KBTBD11: variants seen among roughly 807,000 people sequenced by gnomAD.
KBTBD11 encodes kelch repeat and BTB domain containing 11, also known as kelch repeat and BTB domain-containing protein 11.
For synonymous variants in KBTBD11, 747 were observed against 499.0 expected (o/e 1.50, Z -6.63); for missense variants, 1,390 against 1,001.8 (o/e 1.39, Z -5.23).
intron 1 of KBTBD11, among the ~76,000 whole-genome samples, chr8:1,982,870 C>T (rs560407915): frequency 3.9e-5 from 6 of 152,110 alleles, no homozygotes; most frequent in African/African-American, 1.2e-4. Flanking sequence ...GGATTATAGG[C>T]ACACACCACC....
chr8:1,999,706 G>C (rs1241078712), intron 1 of KBTBD11, among the ~76,000 whole-genome samples: 2 of 152,202 alleles, frequency 1.3e-5, no homozygotes, highest in African/African-American at 4.8e-5. Flanking sequence ...AGATTTAGGA[G>C]TTGGCGCCAT....
chr8:2,001,208 G>A lies in KBTBD11; in HGVS notation c.16G>A (p.Ala6Thr). 2.2e-6 allele frequency: 3 copies of A among 1,387,908 alleles called. No individual in the cohort carries two copies. The highest frequency in any genetic ancestry group is 3.1e-5 in the South Asian group (2 of 65,018). 86.0% of individuals were successfully genotyped at this position (1,387,908 alleles called of 1,614,324 possible). A position where few individuals can be genotyped will look rare whatever the true frequency, so the allele number is the denominator to read the frequency against. MEHAV[A>T]PCVLYPGTEP... is the part of the protein sequence containing the mutation. ...CAGCCCGGCCATGGAGCACGCGGTGGCCCCCTGCGTCCTCTACCCAGGGAC... is the reference window on the plus strand; with the variant it reads ...CAGCCCGGCCATGGAGCACGCGGTGACCCCCTGCGTCCTCTACCCAGGGAC... Residue 6 changes from alanine (A) to threonine (T), a missense_variant, in exon 2 of 2, where the codon GCC (alanine) becomes ACC (threonine). Physicochemically the swap from Ala to Thr is moderately conservative, Grantham distance 58. Coordinates refer to ENST00000320248, the MANE Select transcript of KBTBD11 (RefSeq NM_014867.3).
chr8:2,005,057 C>T lies in KBTBD11; in HGVS notation c.*1993C>T, dbSNP rs1043223. ...TTGAAAATGAAATATTGAAATTAGG[C>T]TTCCAGAGTAACACTGTCCCCGGAA... On this transcript the variant is annotated 3_prime_UTR_variant, in exon 2 of 2. Transcript: ENST00000320248. 92,809 of 167,034 alleles carry T rather than the reference C, an allele frequency of 0.56. 29,759 individuals are homozygous for T. The highest frequency in any genetic ancestry group is 0.94 in the East Asian group (4,876 of 5,180). 10.3% of individuals were successfully genotyped at this position (167,034 alleles called of 1,614,324 possible). A position where few individuals can be genotyped will look rare whatever the true frequency, so the allele number is the denominator to read the frequency against.
rs1289120744 is a variant in KBTBD11, at chr8:2,006,918, C to A, written c.*3854C>A. ...CAGTTCATGCCGAGATGAAATAAAT[C>A]ACGCAGAAAGTGCCAGTCCTCCTGA... On this transcript the variant is annotated 3_prime_UTR_variant, in exon 2 of 2. Coordinates refer to ENST00000320248, the MANE Select transcript of KBTBD11 (RefSeq NM_014867.3). 3 of 166,140 alleles carry A rather than the reference C, an allele frequency of 1.8e-5. No individual in the cohort carries two copies. Among genetic ancestry groups the A allele is most frequent in the Non-Finnish European group, 4.4e-5 (3 of 68,120 alleles). The allele number at this position is 166,140 out of a possible 1,614,324, so 10.3% of individuals were successfully genotyped here. A position where few individuals can be genotyped will look rare whatever the true frequency, so the allele number is the denominator to read the frequency against.
At chr8:1,996,441 T>C (rs1003015726) in intron 1 of KBTBD11, among the ~76,000 whole-genome samples, 2 of 152,196 alleles carry the variant, frequency 1.3e-5, no homozygotes, top group South Asian at 2.1e-4. Context: ...TGATTTTGTA[T>C]TTTTTTAGTA....
chr8:1,974,705 C>T (rs1196490960), intron 1 of KBTBD11: 3 of 985,326 alleles, frequency 3.0e-6, no homozygotes, highest in African/African-American at 1.7e-5. Context: ...GGCGGGATTC[C>T]GCAGGGGTCC....
Position 2,001,199 on chromosome 8 carries a change from C to T in KBTBD11, c.7C>T (p.His3Tyr), listed in dbSNP as rs1817331069. Reference sequence around the variant, plus strand: ...AGCGCAGCACAGCCCGGCCATGGAGCACGCGGTGGCCCCCTGCGTCCTCTA... The same window carrying T: ...AGCGCAGCACAGCCCGGCCATGGAGTACGCGGTGGCCCCCTGCGTCCTCTA... ME[H>Y]AVAPCVLYPG... Residue 3 changes from histidine (H) to tyrosine (Y), a missense_variant, in exon 2 of 2, where the codon CAC becomes TAC. His to Tyr is a moderately conservative substitution (Grantham distance 83, BLOSUM62 2). Coordinates refer to ENST00000320248, the MANE Select transcript of KBTBD11 (RefSeq NM_014867.3). The T allele has an allele frequency of 5.1e-6, 7 of 1,365,698 alleles. No homozygotes were observed. The highest frequency in any genetic ancestry group is 3.2e-5 in the Admixed American group (1 of 31,452). The allele number at this position is 1,365,698 out of a possible 1,614,324, so 84.6% of individuals were successfully genotyped here. A position where few individuals can be genotyped will look rare whatever the true frequency, so the allele number is the denominator to read the frequency against.
chr8:2,002,792 T>C lies in KBTBD11; in HGVS notation c.1600T>C (p.Trp534Arg). The C allele has an allele frequency of 6.9e-7, 1 of 1,456,356 alleles. No individual in the cohort carries two copies. Among genetic ancestry groups the C allele is most frequent in the Non-Finnish European group, 9.0e-7 (1 of 1,112,828 alleles). 90.2% of individuals were successfully genotyped at this position (1,456,356 alleles called of 1,614,324 possible). ...CCGATACCACTGCCTGGCCAAGCAG[T>C]GGAGCCCGTGCGTCGCGCCCCTGCG... is the stretch of plus-strand genomic sequence containing the variant. ...VSRYHCLAKQ[W>R]SPCVAPLRLP... Residue 534 changes from tryptophan to arginine, a missense_variant, in exon 2 of 2, where the codon TGG becomes CGG. Trp to Arg is a moderately radical substitution (Grantham distance 101). Transcript: ENST00000320248. This position sits in a 1 kb window ranked among gnomAD's most constrained non-coding sequence, Gnocchi z 4.1.
chr8:1,983,778 A>T (rs1816618238), intron 1 of KBTBD11, among the ~76,000 whole-genome samples: 1 of 152,270 alleles, frequency 6.6e-6, no homozygotes, highest in Non-Finnish European at 1.5e-5. Context: ...GACTGCTTGG[A>T]TGCAGGAATT....
At chr8:1,994,306 C>T (rs990503194) in intron 1 of KBTBD11, among the ~76,000 whole-genome samples, 3 of 152,238 alleles carry the variant, frequency 2.0e-5, no homozygotes, top group African/African-American at 7.2e-5. Flanking sequence ...CGTCAATGCT[C>T]AGAACTGCGC....
rs887892831 is a variant in KBTBD11 at position 2,003,719 on chromosome 8, C to T, written c.*655C>T. 4.8e-5 allele frequency: 8 copies of T among 167,016 alleles called. No individual in the cohort carries two copies. The highest frequency in any genetic ancestry group is 7.3e-5 in the Non-Finnish European group (5 of 68,116). The allele number at this position is 167,016 out of a possible 1,614,324, so 10.3% of individuals were successfully genotyped here. ...ACCATTGCTACTCAAACTCACATGC[C>T]TAGAGCAGCTCCGTCTCACTGTTGG... On this transcript the variant is annotated 3_prime_UTR_variant, in exon 2 of 2. Coordinates refer to ENST00000320248, the MANE Select transcript of KBTBD11 (RefSeq NM_014867.3).
At position 2,002,135 on chromosome 8, in the gene KBTBD11, C is replaced by T; in HGVS notation, c.943C>T (p.Pro315Ser). ...GCGCGCGGGCAGCCGGCCTCAGAGC[C>T]CCTCGGGGGACGCGGACGCGCGCGG... ...GERAGSRPQS[P>S]SGDADARGDA... The change falls in exon 2 of 2, where the codon CCC becomes TCC. Residue 315 changes from proline to serine, a missense_variant. Transcript: ENST00000320248. The surrounding 1 kb of genome is among the most constrained non-coding windows in gnomAD (Gnocchi z 4.1). 1 of 1,154,946 alleles carries T rather than the reference C, an allele frequency of 8.7e-7. No homozygotes were observed. Among genetic ancestry groups the T allele is most frequent in the Non-Finnish European group, 1.1e-6 (1 of 941,712 alleles). 71.5% of individuals were successfully genotyped at this position (1,154,946 alleles called of 1,614,324 possible).
At position 2,002,935 on chromosome 8, in the gene KBTBD11, C is replaced by G. The variant is rs758678426; in HGVS notation, c.1743C>G (p.Ala581=). Residue 581 remains alanine (A), a synonymous_variant, in exon 2 of 2, where the codon GCC becomes GCG. Coordinates refer to ENST00000320248, the MANE Select transcript of KBTBD11 (RefSeq NM_014867.3). The surrounding 1 kb of genome is among the most constrained non-coding windows in gnomAD (Gnocchi z 4.1). ...WRFQPAREGE[A]GGDAGQGGGF... is the part of the protein sequence containing the mutation. ...TCCAGCCTGCCCGGGAAGGCGAGGCCGGCGGCGACGCAGGCCAGGGCGGCG... is the reference window on the plus strand; with the variant it reads ...TCCAGCCTGCCCGGGAAGGCGAGGCGGGCGGCGACGCAGGCCAGGGCGGCG... 5.3e-6 allele frequency: 7 copies of G among 1,321,802 alleles called. No individual in the cohort carries two copies. In the African/African-American group the frequency reaches 9.3e-5, roughly 17 times the overall value. The allele number at this position is 1,321,802 out of a possible 1,614,324, so 81.9% of individuals were successfully genotyped here. A position where few individuals can be genotyped will look rare whatever the true frequency, so the allele number is the denominator to read the frequency against.
chr8:1,995,307 G>A (rs1817097276), intron 1 of KBTBD11, among the ~76,000 whole-genome samples: 1 of 151,928 alleles, frequency 6.6e-6, no homozygotes, highest in South Asian at 2.1e-4. Context: ...AATCCTGAAG[G>A]CAGACACTAA....
At chr8:1,997,919 CAGA>C (rs1299481789) in intron 1 of KBTBD11, among the ~76,000 whole-genome samples, 1 of 152,154 alleles carries the variant, frequency 6.6e-6, no homozygotes, top group Non-Finnish European at 1.5e-5. Flanking sequence ...AGGGGCTCCT[CAGA>C]AGGACACAAT....
chr8:1,982,715 A>G (rs1816579543), intron 1 of KBTBD11, among the ~76,000 whole-genome samples: 1 of 152,086 alleles, frequency 6.6e-6, no homozygotes, highest in Admixed American at 6.5e-5. Context: ...AATTCATCAG[A>G]AGTAAACTTT....
intron 1 of KBTBD11, among the ~76,000 whole-genome samples, chr8:1,985,526 G>C (rs4875933): frequency 0.78 from 118,394 of 152,286 alleles, 46,460 homozygotes; most frequent in East Asian, 0.99. Flanking sequence ...TCCAGCCTGG[G>C]TGCCATGTGG....
chr8:1,983,386 C>A (rs928330983), intron 1 of KBTBD11, among the ~76,000 whole-genome samples: 5 of 152,196 alleles, frequency 3.3e-5, no homozygotes, highest in African/African-American at 1.2e-4. Context: ...AAGTCCTGTC[C>A]CAGGCAGCTG....
chr8:2,004,671 G>A lies in KBTBD11; in HGVS notation c.*1607G>A, dbSNP rs1817517848. 2 of 167,060 alleles carry A rather than the reference G, an allele frequency of 1.2e-5. No individual in the cohort carries two copies. Among genetic ancestry groups the A allele is most frequent in the South Asian group, 4.1e-4 (2 of 4,828 alleles). The allele number at this position is 167,060 out of a possible 1,614,324, so 10.3% of individuals were successfully genotyped here. On this transcript the variant is annotated 3_prime_UTR_variant, in exon 2 of 2. Coordinates refer to ENST00000320248, the MANE Select transcript of KBTBD11 (RefSeq NM_014867.3). ...GATCTGGGTTACGGTATGTTCTGGGGACGTGTCTGCTTGCCCATGGTTACT... is the reference window on the plus strand; with the variant it reads ...GATCTGGGTTACGGTATGTTCTGGGAACGTGTCTGCTTGCCCATGGTTACT...
Sources: allele counts gnomAD v4.1 joint callset (sites outside exome capture counted in the v4.1 genomes callset), GRCh38; gene constraint gnomAD v4.1.1; non-coding constraint Gnocchi (gnomAD v3.1); transcripts MANE v1.5; gene names NCBI Gene and HGNC (gene_info 2026-07-23, HGNC 2026-07-21).